The following MBNL3 variants were observed in gnomAD, a reference collection of about 807,000 sequenced individuals.
MBNL3 encodes muscleblind like splicing regulator 3, also known as muscleblind-like protein 3.
In MBNL3, 6 loss-of-function variants were observed where a neutral mutation model predicts 24.5. That is an observed-to-expected ratio of 0.25 (90% confidence interval 0.13 to 0.48). MBNL3 has a LOEUF of 0.48. Ranked by LOEUF, MBNL3 falls within the 20% of genes least tolerant of loss-of-function variation. The probability of loss-of-function intolerance (pLI) is 0.99; values close to 1 mark genes in which losing one functional copy is unlikely to be tolerated. For synonymous variants in MBNL3, 100 were observed against 101.7 expected, an observed-to-expected ratio of 0.98 and a Z score of 0.10; for missense variants, 230 against 293.5, an observed-to-expected ratio of 0.78 and a Z score of 1.58.
chrX:132,475,462 C>A (rs1336906981), intron 1 of MBNL3, among the ~76,000 whole-genome samples: 2 of 111,636 alleles, frequency 1.8e-5, no homozygotes, highest in African/African-American at 6.5e-5. Flanking sequence ...AAAAAGTGAG[C>A]AGGGACTTGA....
intron 2 of MBNL3, among the ~76,000 whole-genome samples, chrX:132,420,308 C>G (rs183885065): frequency 8.9e-5 from 10 of 111,981 alleles, no homozygotes; most frequent in Admixed American, 4.7e-4. Flanking sequence ...GACACCCTGC[C>G]GGATCTGGAG....
chrX:132,471,320 A>C (rs1158982670), intron 1 of MBNL3, among the ~76,000 whole-genome samples: 1 of 112,750 alleles, frequency 8.9e-6, no homozygotes, highest in East Asian at 2.7e-4. Context: ...GATATGATTA[A>C]ATGATTTATT....
intron 2 of MBNL3, 65 bp from the exon 3 acceptor site, chrX:132,406,457 C>A: frequency 9.9e-7 from 1 of 1,011,104 alleles, no homozygotes; most frequent in Non-Finnish European, 1.3e-6. Context: ...ATTTTGGACT[C>A]CATTATCTGG....
intron 2 of MBNL3, among the ~76,000 whole-genome samples, chrX:132,420,207 G>A (rs1420327602): frequency 8.9e-6 from 1 of 112,179 alleles, no homozygotes; most frequent in Non-Finnish European, 1.9e-5. Context: ...CGATTAGGAC[G>A]AATCCGGGCA....
rs1273567861 is a variant in MBNL3 at position 132,371,649 on chromosome X, G to A, written c.*8017C>T. 9.0e-6 allele frequency: 1 copy of A among 111,183 alleles called. No individual in the cohort carries two copies. The highest frequency in any genetic ancestry group is 2.8e-4 in the East Asian group (1 of 3,546). The allele number at this position is 111,183 out of a possible 1,213,427, so 9.2% of individuals were successfully genotyped here. On this transcript the variant is annotated 3_prime_UTR_variant, in exon 9 of 9. Transcript: ENST00000370853. ...CTGGGAAAGAGAAACTTCTAATAATGCATCTTAGAATATGCCTCAGGATTT... is the reference window on the plus strand; with the variant it reads ...CTGGGAAAGAGAAACTTCTAATAATACATCTTAGAATATGCCTCAGGATTT...
intron 3 of MBNL3, among the ~76,000 whole-genome samples, chrX:132,396,558 A>ATATATTCCTATATATATTCC (rs1938736613): frequency 2.8e-4 from 5 of 17,872 alleles, no homozygotes; most frequent in Admixed American, 9.9e-4. Flanking sequence ...ATATATTCCT[A>ATATATTCCTATATATATTCC]TATATATTCC....
chrX:132,413,468 A>G (rs1231751500), intron 2 of MBNL3: 1 of 1,153,864 alleles, frequency 8.7e-7, no homozygotes, highest in East Asian at 3.3e-5. Flanking sequence ...TTGAAAACCC[A>G]TTTTACCTCT....
At position 132,419,390 on chromosome X, in the gene MBNL3, A is replaced by G. The variant is rs1475825217; in HGVS notation, c.178-12998T>C. The stretch of plus-strand genomic sequence containing the variant: ...ACCTCCCTAAGAGAAGAATCTTTTA[A>G]AAACACCATAGTGCCATTCAGAAGC... On this transcript the variant is annotated intron_variant, in intron 2 of 8. Coordinates refer to ENST00000370853, the MANE Select transcript of MBNL3 (RefSeq NM_001386889.1). 4.5e-5 allele frequency among the ~76,000 whole-genome samples: 5 copies of G among 111,943 alleles called. No individual in the cohort carries two copies. The East Asian group carries it at 1.1e-3, about 25-fold the overall frequency.
At chrX:132,466,166 G>C (rs1946871534) in intron 1 of MBNL3, among the ~76,000 whole-genome samples, 1 of 112,337 alleles carries the variant, frequency 8.9e-6, no homozygotes, top group Non-Finnish European at 1.9e-5. Flanking sequence ...TTTCTGAAGT[G>C]ATTTGTAAAA....
At chrX:132,424,079 C>A (rs781265624) in intron 2 of MBNL3, among the ~76,000 whole-genome samples, 1 of 111,565 alleles carries the variant, frequency 9.0e-6, no homozygotes, top group Non-Finnish European at 1.9e-5. Context: ...TCAAAAACTT[C>A]AAAATTCTAG....
At chrX:132,445,209 T>A (rs1346598706) in intron 1 of MBNL3, among the ~76,000 whole-genome samples, 1 of 112,153 alleles carries the variant, frequency 8.9e-6, no homozygotes, top group Non-Finnish European at 1.9e-5. Context: ...TGGTCATTTA[T>A]TTTGGCTCTA....
chrX:132,396,949 CAT>C (rs375202529), intron 3 of MBNL3, among the ~76,000 whole-genome samples: 1 of 63,126 alleles, frequency 1.6e-5, no homozygotes, highest in Non-Finnish European at 2.8e-5. Context: ...TATATATATT[CAT>C]ATATATTCAT....
intron 6 of MBNL3, 65 bp downstream of exon 6, chrX:132,386,596 G>GT: frequency 8.6e-7 from 1 of 1,157,105 alleles, no homozygotes; most frequent in Non-Finnish European, 1.2e-6. Context: ...TTTGAAAGCT[G>GT]TTTTGCATTG....
upstream of MBNL3, among the ~76,000 whole-genome samples, chrX:132,489,532 G>T (rs1948182140): frequency 9.0e-6 from 1 of 111,244 alleles, no homozygotes. Flanking sequence ...CCGGGCCAGT[G>T]CCCTCCGCCG....
chrX:132,397,098 T>C (rs1344650308), intron 3 of MBNL3, among the ~76,000 whole-genome samples: 2 of 104,522 alleles, frequency 1.9e-5, no homozygotes, highest in African/African-American at 6.9e-5. Flanking sequence ...GTTACTAATA[T>C]TAGGATTAGG....
chrX:132,425,308 G>A (rs1056020492), intron 2 of MBNL3, among the ~76,000 whole-genome samples: 1 of 111,685 alleles, frequency 9.0e-6, no homozygotes, highest in African/African-American at 3.3e-5. Flanking sequence ...AGACTGGGCT[G>A]ACTGTACAAA....
At chrX:132,398,244 G>A (rs891019450) in intron 3 of MBNL3, among the ~76,000 whole-genome samples, 7 of 111,015 alleles carry the variant, frequency 6.3e-5, no homozygotes, top group African/African-American at 2.3e-4. Flanking sequence ...CATATTTGCT[G>A]GGAGGAGAAA....
chrX:132,439,357 CT>C (rs1377327834), intron 2 of MBNL3, 77 bp downstream of exon 2: 2 of 998,230 alleles, frequency 2.0e-6, no homozygotes, highest in Non-Finnish European at 2.6e-6. Flanking sequence ...ATTAATTTTA[CT>C]CATTTCAAAG....
intron 8 of MBNL3, chrX:132,381,435 ATAG>A: frequency 1.8e-6 from 2 of 1,102,008 alleles, no homozygotes; most frequent in Non-Finnish European, 2.5e-6. Context: ...TGGGGTATCT[ATAG>A]TAGTAAAAAA....
Sources: allele counts gnomAD v4.1 joint callset (sites outside exome capture counted in the v4.1 genomes callset), GRCh38; gene constraint gnomAD v4.1.1; transcripts MANE v1.5; gene names NCBI Gene and HGNC (gene_info 2026-07-23, HGNC 2026-07-21).